DNAI2: variants seen among roughly 807,000 people sequenced by gnomAD.
DNAI2 encodes dynein, axonemal, intermediate polypeptide 2.
DNAI2 carries 63 observed loss-of-function variants against 74.7 expected under a neutral mutation model. The ratio of observed to expected loss-of-function variants is 0.84; its 90% CI spans 0.69 to 1.04. DNAI2 has a LOEUF of 1.04. Among genes scored for constraint, DNAI2 ranks in the 50% least tolerant of loss-of-function variants. The probability of loss-of-function intolerance (pLI) is 0.00; values close to 1 mark genes in which losing one functional copy is unlikely to be tolerated. For missense variants in DNAI2, 688 were observed against 803.2 expected (o/e 0.86, Z 1.73); for synonymous variants, 289 against 314.9 (o/e 0.92, Z 0.87).
chr17:74,307,399 G>C (rs189521690), intron 9 of DNAI2: 3 of 436,048 alleles, frequency 6.9e-6, no homozygotes, highest in Non-Finnish European at 1.4e-5. Context: ...AGGTGCAGTG[G>C]GCTAATGCCT....
At chr17:74,308,043 C>A (rs1249749172) in intron 9 of DNAI2, among the ~76,000 whole-genome samples, 1 of 152,132 alleles carries the variant, frequency 6.6e-6, no homozygotes, top group Non-Finnish European at 1.5e-5. Context: ...GGTGATCCAC[C>A]ATTCTCGGCC....
chr17:74,290,605 A>T (rs2052028290), intron 5 of DNAI2, among the ~76,000 whole-genome samples: 1 of 152,212 alleles, frequency 6.6e-6, no homozygotes, highest in African/African-American at 2.4e-5. Context: ...ACATTCCAAC[A>T]GCTCAGCGAG....
intron 10 of DNAI2, 170 bp downstream of exon 10, chr17:74,309,558 G>GA: frequency 3.3e-6 from 3 of 913,508 alleles, no homozygotes; most frequent in Non-Finnish European, 3.5e-6. Flanking sequence ...TTGAGCGTGT[G>GA]CTCCTACAAA....
chr17:74,304,116 TGTCTCG>T (rs1449564843), intron 8 of DNAI2, among the ~76,000 whole-genome samples: 1 of 151,574 alleles, frequency 6.6e-6, no homozygotes, highest in Admixed American at 6.6e-5. Flanking sequence ...AGCCAGAACC[TGTCTCG>T]AGAAATAAAT....
At chr17:74,286,243 T>C (rs1392626211) in intron 3 of DNAI2, among the ~76,000 whole-genome samples, 1 of 150,070 alleles carries the variant, frequency 6.7e-6, no homozygotes, top group Admixed American at 6.7e-5. Context: ...CTGCAGTGAG[T>C]CCAGATCGCA....
chr17:74,290,275 C>A (rs1443648401), intron 5 of DNAI2, among the ~76,000 whole-genome samples: 2 of 152,188 alleles, frequency 1.3e-5, no homozygotes. Flanking sequence ...GAGATCATGC[C>A]ACTGCACTCC....
chr17:74,278,028 G>A lies in DNAI2; in HGVS notation c.-12+3683G>A, dbSNP rs147564750. Among the ~76,000 whole-genome samples, 261 of 152,328 alleles carry A rather than the reference G, an allele frequency of 1.7e-3. 1 individual carries two copies. The highest frequency in any genetic ancestry group is 5.9e-3 in the African/African-American group (246 of 41,584). On this transcript the variant is annotated intron_variant, in intron 1 of 13. Transcript: ENST00000311014. ...AAGCCCTGCAGGTGTTTCTAAATGT[G>A]CAGTCAGGACTAACAATCACTGCTT...
chr17:74,297,549 T>C (rs967498337), intron 6 of DNAI2, among the ~76,000 whole-genome samples: 4 of 151,822 alleles, frequency 2.6e-5, no homozygotes, highest in African/African-American at 4.8e-5. Flanking sequence ...GCCTGGCTAA[T>C]TTTTGTATTT....
At chr17:74,278,729 A>G (rs986013575) in intron 1 of DNAI2, among the ~76,000 whole-genome samples, 2 of 152,072 alleles carry the variant, frequency 1.3e-5, no homozygotes, top group African/African-American at 4.8e-5. Context: ...GTGAGCAGAT[A>G]TGCCACTCCA....
Position 74,285,116 on chromosome 17 carries a change from C to A in DNAI2, c.260C>A (p.Pro87His), listed in dbSNP as rs757582356. The A allele has an allele frequency of 1.2e-6, 2 of 1,614,198 alleles. No individual in the cohort carries two copies. The change falls in exon 3 of 14, where the codon CCC becomes CAC. Residue 87 changes from proline (P) to histidine (H), a missense_variant. Coordinates refer to ENST00000311014, the MANE Select transcript of DNAI2 (RefSeq NM_023036.6). Reference sequence around the variant, plus strand: ...GGGGGCTGGCCCAAGGACGTGAACCCCCTGGAGCTGGAGCAGACCATCCGT... The same window carrying A: ...GGGGGCTGGCCCAAGGACGTGAACCACCTGGAGCTGGAGCAGACCATCCGT... ...VEGGWPKDVN[P>H]LELEQTIRFR...
intron 12 of DNAI2, among the ~76,000 whole-genome samples, chr17:74,312,832 C>T (rs1301907257): frequency 6.6e-6 from 1 of 152,204 alleles, no homozygotes; most frequent in Non-Finnish European, 1.5e-5. Flanking sequence ...CTTCCAGGCC[C>T]TCTTTTGTAC....
rs551422275 is a variant in DNAI2 at position 74,310,366 on chromosome 17, C to A, written c.1494+203C>A. On this transcript the variant is annotated intron_variant, in intron 11 of 13. Coordinates refer to ENST00000311014, the MANE Select transcript of DNAI2 (RefSeq NM_023036.6). Reference sequence around the variant, plus strand: ...GCTCAACTGCTGGGTAGCTAAGTGGCCTTCAGTAAGTCACGTCACTCTCCA... The same window carrying A: ...GCTCAACTGCTGGGTAGCTAAGTGGACTTCAGTAAGTCACGTCACTCTCCA... Among the ~76,000 whole-genome samples, 8 of 149,244 alleles carry A rather than the reference C, an allele frequency of 5.4e-5. No individual in the cohort carries two copies. The South Asian group carries it at 1.3e-3, about 24-fold the overall frequency.
intron 2 of DNAI2, among the ~76,000 whole-genome samples, chr17:74,283,757 C>G (rs2051521718): frequency 6.6e-6 from 1 of 151,538 alleles, no homozygotes; most frequent in Non-Finnish European, 1.5e-5. Flanking sequence ...AAAACAAAAA[C>G]AAAAATTAGC....
At chr17:74,276,613 T>C (rs1386983574) in intron 1 of DNAI2, among the ~76,000 whole-genome samples, 3 of 152,164 alleles carry the variant, frequency 2.0e-5, no homozygotes, top group Admixed American at 6.5e-5. Context: ...TGGGTTGTCT[T>C]CCCGTCACCA....
At chr17:74,302,743 T>C (rs984344089) in intron 8 of DNAI2, among the ~76,000 whole-genome samples, 2 of 152,220 alleles carry the variant, frequency 1.3e-5, no homozygotes, top group Admixed American at 6.5e-5. Flanking sequence ...TACGTCTTAG[T>C]GCAGCCCAGG....
chr17:74,290,037 C>T lies in DNAI2; in HGVS notation c.610+301C>T, dbSNP rs895465451. ...TTAGCTCCTAAGGAGCATATCAGGCCGGGCTCGGTGGCCCATGCCTGTAAT... is the reference window on the plus strand; with the variant it reads ...TTAGCTCCTAAGGAGCATATCAGGCTGGGCTCGGTGGCCCATGCCTGTAAT... On this transcript the variant is annotated intron_variant, in intron 5 of 13. Coordinates refer to ENST00000311014, the MANE Select transcript of DNAI2 (RefSeq NM_023036.6). Among the ~76,000 whole-genome samples the T allele has an allele frequency of 3.9e-5, 6 of 152,300 alleles. No individual in the cohort carries two copies. The South Asian group carries it at 1.0e-3, about 26-fold the overall frequency.
At chr17:74,281,645 T>TA in intron 1 of DNAI2, 162 bp from the exon 2 acceptor site, 2 of 655,762 alleles carry the variant, frequency 3.0e-6, no homozygotes, top group Non-Finnish European at 2.6e-6. Context: ...GATTTTTTTT[T>TA]AATGCGGATG....
chr17:74,280,458 G>C (rs1198679757), intron 1 of DNAI2, among the ~76,000 whole-genome samples: 1 of 152,224 alleles, frequency 6.6e-6, no homozygotes, highest in Non-Finnish European at 1.5e-5. Context: ...ACGCGTCAGA[G>C]GCTTTCCCAA....
chr17:74,314,500 G>A (rs532954622), intron 13 of DNAI2, 89 bp from the exon 14 acceptor site: 14 of 432,768 alleles, frequency 3.2e-5, no homozygotes, highest in Non-Finnish European at 4.7e-5. Context: ...CCCCAAGGCC[G>A]AGGCCACCTT....
Sources: gnomAD v4.1 joint callset for allele counts (sites outside exome capture counted in the v4.1 genomes callset) on GRCh38, gnomAD v4.1.1 for gene constraint, MANE v1.5 for transcripts, NCBI Gene and HGNC (gene_info 2026-07-23, HGNC 2026-07-21) for gene names.